SLC8A1: variants seen among roughly 807,000 people sequenced by gnomAD.
SLC8A1 encodes the protein sodium/calcium exchanger 1.
Under a neutral mutation model 68.3 loss-of-function variants are expected in SLC8A1, and 18 were observed. The observed-to-expected ratio is 0.26, with a 90% CI of 0.18 to 0.39. The LOEUF (loss-of-function observed/expected upper bound fraction) is 0.39, where lower values mean the gene tolerates loss of function less well. Among genes scored for constraint, SLC8A1 ranks in the 10% least tolerant of loss-of-function variants. SLC8A1 has a pLI of 1.00. For missense variants in SLC8A1, 985 were observed against 1,156.7 expected (o/e 0.85, Z 2.15); for synonymous variants, 475 against 415.5 (o/e 1.14, Z -1.74).
chr2:40,274,875 C>T (rs1010663576), intron 2 of SLC8A1, among the ~76,000 whole-genome samples: 2 of 152,082 alleles, frequency 1.3e-5, no homozygotes, highest in African/African-American at 4.8e-5. Flanking sequence ...GAAGCTGTGT[C>T]GTGTATCACT....
Position 40,220,885 on chromosome 2 carries a change from G to T in SLC8A1, c.1809-43030C>A, listed in dbSNP as rs115273921. On this transcript the variant is annotated intron_variant, in intron 2 of 7. Coordinates refer to ENST00000406785, the Ensembl canonical transcript of SLC8A1. Reference sequence around the variant, plus strand: ...GAATTTTTTTTTCTTCAAAAAAAAAGTCCTATCAACCAAAAAAAAGCTCAG... The same window carrying T: ...GAATTTTTTTTTCTTCAAAAAAAAATTCCTATCAACCAAAAAAAAGCTCAG... Among the ~76,000 whole-genome samples, 1,175 of 151,000 alleles carry T rather than the reference G, an allele frequency of 7.8e-3. 20 individuals carry two copies. The highest frequency in any genetic ancestry group is 0.027 in the African/African-American group (1,119 of 41,106).
chr2:40,203,557 G>C (rs1010513362), intron 2 of SLC8A1, among the ~76,000 whole-genome samples: 1 of 151,970 alleles, frequency 6.6e-6, no homozygotes, highest in Non-Finnish European at 1.5e-5. Flanking sequence ...CAAGAGAAAT[G>C]CAAGAATAGC....
At chr2:40,325,859 C>T (rs13401840) in intron 2 of SLC8A1, among the ~76,000 whole-genome samples, 26 of 148,776 alleles carry the variant, frequency 1.7e-4, no homozygotes, top group African/African-American at 3.2e-4. Flanking sequence ...GACTGATATT[C>T]GATATTTCTT....
chr2:40,278,174 A>C (rs747353460), intron 2 of SLC8A1, among the ~76,000 whole-genome samples: 1 of 152,038 alleles, frequency 6.6e-6, no homozygotes, highest in African/African-American at 2.4e-5. Flanking sequence ...TGTATCTCTA[A>C]AAAAGGGCAT....
intron 2 of SLC8A1, among the ~76,000 whole-genome samples, chr2:40,203,946 G>A (rs774777923): frequency 1.3e-5 from 2 of 151,874 alleles, no homozygotes; most frequent in African/African-American, 4.8e-5. Context: ...AAACTCTTGG[G>A]CTCAAGTGAT....
At chr2:40,379,224 T>G (rs1680922732) in intron 2 of SLC8A1, among the ~76,000 whole-genome samples, 1 of 152,112 alleles carries the variant, frequency 6.6e-6, no homozygotes, top group African/African-American at 2.4e-5. Context: ...CGTTTTGAGG[T>G]GGTGCTTAAT....
chr2:40,299,364 G>C (rs4140916), intron 2 of SLC8A1, among the ~76,000 whole-genome samples: 1,958 of 152,254 alleles, frequency 0.013, 113 homozygotes, highest in East Asian at 0.093. Flanking sequence ...TTAGTCACAA[G>C]ATTGCACTGT....
At chr2:40,499,929 C>A (rs943140837) in intron 1 of SLC8A1, among the ~76,000 whole-genome samples, 1 of 152,004 alleles carries the variant, frequency 6.6e-6, no homozygotes, top group Non-Finnish European at 1.5e-5. Context: ...CATGGAGCCA[C>A]AAGCACAAAG....
chr2:40,212,554 A>G (rs1260778858), intron 2 of SLC8A1, among the ~76,000 whole-genome samples: 2 of 152,084 alleles, frequency 1.3e-5, no homozygotes, highest in African/African-American at 2.4e-5. Context: ...AACTCCTGGG[A>G]TTACAGATGT....
chr2:40,099,690 T>C (rs1382571931), exon 8 of SLC8A1: 1 of 152,050 alleles, frequency 6.6e-6, no homozygotes, highest in East Asian at 1.9e-4. Context: ...TTTCTGGCAT[T>C]ATGATATGCC....
chr2:40,213,940 C>A (rs2057037943), intron 2 of SLC8A1, among the ~76,000 whole-genome samples: 1 of 152,170 alleles, frequency 6.6e-6, no homozygotes, highest in African/African-American at 2.4e-5. Context: ...AGTAACCACA[C>A]CACCTTTCAA....
intron 2 of SLC8A1, among the ~76,000 whole-genome samples, chr2:40,345,083 C>T (rs1010125989): frequency 6.6e-6 from 1 of 152,086 alleles, no homozygotes; most frequent in Non-Finnish European, 1.5e-5. Flanking sequence ...GCTTGGAATG[C>T]CAAGAGTCTT....
At chr2:40,239,813 G>C (rs2148955696) in intron 2 of SLC8A1, among the ~76,000 whole-genome samples, 1 of 152,332 alleles carries the variant, frequency 6.6e-6, no homozygotes, top group East Asian at 1.9e-4. Flanking sequence ...TTTGCTTAAT[G>C]AAATAAAATT....
chr2:40,164,703 A>C, intron 5 of SLC8A1, 151 bp downstream of exon 8: 1 of 1,015,594 alleles, frequency 9.8e-7, no homozygotes, highest in African/African-American at 1.6e-5. Flanking sequence ...TATAATTCCA[A>C]TTTGGCCCCA....
chr2:40,137,269 G>A (rs2040681601), intron 7 of SLC8A1, among the ~76,000 whole-genome samples: 1 of 152,170 alleles, frequency 6.6e-6, no homozygotes, highest in South Asian at 2.1e-4. Context: ...TTGGATAAGA[G>A]GTATTGGGGA....
At chr2:40,353,765 A>C (rs1334830465) in intron 2 of SLC8A1, among the ~76,000 whole-genome samples, 3 of 152,074 alleles carry the variant, frequency 2.0e-5, no homozygotes, top group Non-Finnish European at 4.4e-5. Flanking sequence ...TCCCATTTTC[A>C]TTTTCCCAAT....
chr2:40,507,453 T>C (rs906862218), intron 1 of SLC8A1, among the ~76,000 whole-genome samples: 8 of 152,080 alleles, frequency 5.3e-5, no homozygotes, highest in African/African-American at 1.4e-4. Context: ...CAAAAACTTT[T>C]TCAAGTGATT....
At chr2:40,238,421 C>T (rs1162736275) in intron 2 of SLC8A1, among the ~76,000 whole-genome samples, 1 of 116,244 alleles carries the variant, frequency 8.6e-6, no homozygotes, top group African/African-American at 3.4e-5. Context: ...CTCCCTGACC[C>T]CTTGCACTTC....
chr2:40,239,345 T>A (rs1055665850), intron 2 of SLC8A1, among the ~76,000 whole-genome samples: 1 of 152,232 alleles, frequency 6.6e-6, no homozygotes, highest in African/African-American at 2.4e-5. Context: ...CACTGAGTTA[T>A]CTGGATTTTT....
Sources: allele counts gnomAD v4.1 joint callset (sites outside exome capture counted in the v4.1 genomes callset), GRCh38; gene constraint gnomAD v4.1.1; transcripts MANE v1.5; gene names NCBI Gene and HGNC (gene_info 2026-07-23, HGNC 2026-07-21).